Variants in SGCZ observed in about 807,000 individuals in gnomAD.
The protein encoded by SGCZ is zeta-sarcoglycan.
A neutral mutation model predicts 41.3 loss-of-function variants in SGCZ; 40 were observed. That is an observed-to-expected ratio of 0.97 (90% CI 0.75 to 1.26). The LOEUF (loss-of-function observed/expected upper bound fraction) is 1.26. Among genes scored for constraint, SGCZ ranks in the 50% most tolerant of loss-of-function variants. The pLI is 0.00. For synonymous variants in SGCZ, 206 were observed against 137.5 expected, an observed-to-expected ratio of 1.50 and a Z score of -3.49; for missense variants, 552 against 369.8, an observed-to-expected ratio of 1.49 and a Z score of -4.04.
chr8:15,033,990 G>T (rs114920395), intron 1 of SGCZ, among the ~76,000 whole-genome samples: 144 of 152,260 alleles, frequency 9.5e-4, no homozygotes, highest in African/African-American at 3.3e-3. Context: ...AATCTTTAAA[G>T]ACTAAAATAA....
At chr8:14,582,754 T>C (rs957933325) in intron 1 of SGCZ, among the ~76,000 whole-genome samples, 5 of 148,574 alleles carry the variant, frequency 3.4e-5, no homozygotes, top group Admixed American at 6.8e-5. Flanking sequence ...TGAGAACATG[T>C]GGTGTTTGGT....
At chr8:14,835,504 A>T (rs191177002) in intron 1 of SGCZ, among the ~76,000 whole-genome samples, 1 of 152,208 alleles carries the variant, frequency 6.6e-6, no homozygotes, top group African/African-American at 2.4e-5. Flanking sequence ...AGGATACTGC[A>T]TTTCTCTCTG....
chr8:15,060,427 C>G (rs1223263099), intron 1 of SGCZ, among the ~76,000 whole-genome samples: 1 of 149,028 alleles, frequency 6.7e-6, no homozygotes, highest in Non-Finnish European at 1.5e-5. Context: ...GGACAGAAAA[C>G]CAAACACCGC....
At chr8:14,676,003 T>C (rs938938197) in intron 1 of SGCZ, among the ~76,000 whole-genome samples, 6 of 152,114 alleles carry the variant, frequency 3.9e-5, no homozygotes, top group Admixed American at 2.6e-4. Context: ...ATATTTTCTG[T>C]ACTGTTAGGT....
intron 3 of SGCZ, among the ~76,000 whole-genome samples, chr8:14,315,641 T>C (rs13271573): frequency 0.3 from 46,022 of 151,910 alleles, 8,631 homozygotes; most frequent in Non-Finnish European, 0.43. Context: ...ACATGAGATG[T>C]GGCCTAAACA....
chr8:14,193,200 T>G (rs111786961), intron 4 of SGCZ, among the ~76,000 whole-genome samples: 1 of 151,920 alleles, frequency 6.6e-6, no homozygotes, highest in Non-Finnish European at 1.5e-5. Flanking sequence ...AACATCCATT[T>G]TACTCCTGCC....
At chr8:14,433,812 A>G (rs1800011907) in intron 2 of SGCZ, among the ~76,000 whole-genome samples, 2 of 152,172 alleles carry the variant, frequency 1.3e-5, no homozygotes, top group African/African-American at 4.8e-5. Context: ...ATAAACTGAA[A>G]TGTCCGTTTT....
At chr8:14,457,477 C>G (rs948088916) in intron 2 of SGCZ, among the ~76,000 whole-genome samples, 1 of 152,170 alleles carries the variant, frequency 6.6e-6, no homozygotes, top group African/African-American at 2.4e-5. Context: ...AGACTCTGCT[C>G]CTCCAACTCT....
chr8:14,596,663 G>C (rs1235097088), intron 1 of SGCZ, among the ~76,000 whole-genome samples: 1 of 152,026 alleles, frequency 6.6e-6, no homozygotes, highest in African/African-American at 2.4e-5. Flanking sequence ...GACACACCAG[G>C]GTCTCTCACG....
intron 2 of SGCZ, among the ~76,000 whole-genome samples, chr8:14,410,877 G>T (rs1472507067): frequency 6.6e-6 from 1 of 152,018 alleles, no homozygotes; most frequent in Admixed American, 6.6e-5. Context: ...TGCTATCTGA[G>T]GGAAAAGTTT....
At chr8:14,242,520 T>C (rs550791812) in intron 3 of SGCZ, among the ~76,000 whole-genome samples, 2 of 152,264 alleles carry the variant, frequency 1.3e-5, no homozygotes, top group African/African-American at 4.8e-5. Context: ...AAAATAGGGG[T>C]CATAGCACAT....
intron 3 of SGCZ, among the ~76,000 whole-genome samples, chr8:14,270,698 A>G (rs866178807): frequency 3.4e-4 from 52 of 152,274 alleles, no homozygotes; most frequent in African/African-American, 1.1e-3. Context: ...ATGTATAGGA[A>G]TAGTGCCGCA....
intron 1 of SGCZ, among the ~76,000 whole-genome samples, chr8:15,012,606 A>AAT (rs1563436079): frequency 9.1e-6 from 1 of 109,576 alleles, no homozygotes; most frequent in African/African-American, 4.9e-5. Flanking sequence ...ATATTTATAT[A>AAT]ATACATATAT....
At chr8:14,508,928 T>A (rs1202627561) in intron 2 of SGCZ, among the ~76,000 whole-genome samples, 1 of 152,190 alleles carries the variant, frequency 6.6e-6, no homozygotes, top group Non-Finnish European at 1.5e-5. Flanking sequence ...ATTGCATTAC[T>A]ATTTTACAAA....
chr8:14,845,211 A>C (rs937714226), intron 1 of SGCZ, among the ~76,000 whole-genome samples: 1 of 152,112 alleles, frequency 6.6e-6, no homozygotes, highest in African/African-American at 2.4e-5. Context: ...AGGATGGAAA[A>C]ACTTATGACT....
intron 1 of SGCZ, among the ~76,000 whole-genome samples, chr8:15,157,836 AAAC>A (rs1799378612): frequency 6.6e-6 from 1 of 152,190 alleles, no homozygotes; most frequent in Admixed American, 6.5e-5. Context: ...CCCTTTCTAA[AAAC>A]AAATGTAAAA....
At chr8:14,948,919 G>C (rs1464938781) in intron 1 of SGCZ, among the ~76,000 whole-genome samples, 1 of 151,378 alleles carries the variant, frequency 6.6e-6, no homozygotes, top group Non-Finnish European at 1.5e-5. Flanking sequence ...TGAAAGCCAG[G>C]ATTTCTCCAC....
chr8:15,006,816 T>C (rs969539016), intron 1 of SGCZ, among the ~76,000 whole-genome samples: 4 of 152,144 alleles, frequency 2.6e-5, no homozygotes, highest in Admixed American at 2.0e-4. Context: ...TTCGACAAGA[T>C]TATTAATACT....
intron 1 of SGCZ, among the ~76,000 whole-genome samples, chr8:14,630,522 G>C (rs1053301080): frequency 6.6e-6 from 1 of 151,874 alleles, no homozygotes; most frequent in East Asian, 1.9e-4. Flanking sequence ...CCATTACTGG[G>C]TATACACCCA....
Sources: allele counts gnomAD v4.1 joint callset (sites outside exome capture counted in the v4.1 genomes callset), GRCh38; gene constraint gnomAD v4.1.1; transcripts MANE v1.5; gene names NCBI Gene and HGNC (gene_info 2026-07-23, HGNC 2026-07-21).